The following EHD3 variants were observed in gnomAD, a reference collection of about 807,000 sequenced individuals.
EHD3 encodes the protein EH domain-containing protein 3.
A neutral mutation model predicts 43.0 loss-of-function variants in EHD3; 17 were observed. That is an observed-to-expected ratio of 0.40 (90% CI 0.27 to 0.59). The LOEUF (loss-of-function observed/expected upper bound fraction) is 0.59, where lower values mean the gene tolerates loss of function less well. Ranked by LOEUF, EHD3 falls within the 20% of genes least tolerant of loss-of-function variation. EHD3 has a pLI of 0.49. For synonymous variants in EHD3, 313 were observed against 289.5 expected (o/e 1.08, Z -0.82); for missense variants, 594 against 705.6 (o/e 0.84, Z 1.79).
At chr2:31,244,753 T>C (rs867644879) in intron 2 of EHD3, among the ~76,000 whole-genome samples, 2 of 152,206 alleles carry the variant, frequency 1.3e-5, no homozygotes, top group African/African-American at 2.4e-5. Flanking sequence ...ATGCTCCATA[T>C]AGTTCCCAGT....
chr2:31,260,651 G>T lies in EHD3; in HGVS notation c.644G>T (p.Arg215Leu), dbSNP rs1048803980. ...KALKNHEDKM[R>L]VVLNKADQIE... ...CTCAAGAACCACGAGGACAAGATGC[G>T]AGTGGTGCTGAACAAAGCTGACCAG... Residue 215 changes from arginine to leucine, a missense_variant, in exon 4 of 6, where the codon CGA becomes CTA. By Grantham distance (102) the Arg-to-Leu change is moderately radical. Transcript: ENST00000322054. The surrounding 1 kb of genome is among the most constrained non-coding windows in gnomAD (Gnocchi z 4.6). 3 of 1,614,202 alleles carry T rather than the reference G, an allele frequency of 1.9e-6. No homozygotes were observed. Among genetic ancestry groups the T allele is most frequent in the Non-Finnish European group, 2.5e-6 (3 of 1,180,036 alleles).
chr2:31,268,233 T>C lies in EHD3; in HGVS notation c.*1529T>C, dbSNP rs1683991982. On this transcript the variant is annotated 3_prime_UTR_variant, in exon 6 of 6. Transcript: ENST00000322054. The stretch of plus-strand genomic sequence containing the variant: ...CATGGCCACTGAACCAATCACTTTG[T>C]ATGCTATGCTCCTACTGTGATGGAA... 6.5e-6 allele frequency: 1 copy of C among 152,692 alleles called. No individual in the cohort carries two copies. Among genetic ancestry groups the C allele is most frequent in the South Asian group, 2.1e-4 (1 of 4,836 alleles). 9.5% of individuals were successfully genotyped at this position (152,692 alleles called of 1,614,324 possible).
intron 3 of EHD3, among the ~76,000 whole-genome samples, chr2:31,258,700 G>C (rs1367749319): frequency 6.6e-6 from 1 of 152,198 alleles, no homozygotes; most frequent in African/African-American, 2.4e-5. Flanking sequence ...GAGGATTAAA[G>C]GAATGAATGA....
chr2:31,254,791 C>G (rs1683719604), intron 3 of EHD3, among the ~76,000 whole-genome samples: 2 of 152,188 alleles, frequency 1.3e-5, no homozygotes, highest in South Asian at 2.1e-4. Context: ...TTGCCACCAC[C>G]TGGCTGTGTG....
chr2:31,256,776 AGCTTCTCTGGT>A (rs1377913372), intron 3 of EHD3, among the ~76,000 whole-genome samples: 1 of 152,188 alleles, frequency 6.6e-6, no homozygotes, highest in Non-Finnish European at 1.5e-5. Flanking sequence ...CCTTCTCTGC[AGCTTCTCTGGT>A]GTCTTTGTTT....
At chr2:31,259,928 C>T (rs758618402) in intron 3 of EHD3, among the ~76,000 whole-genome samples, 6 of 152,076 alleles carry the variant, frequency 3.9e-5, no homozygotes, top group Non-Finnish European at 8.8e-5. Flanking sequence ...TGGCTGGGGG[C>T]GGTGGCTCAC....
At chr2:31,239,364 C>T (rs570321351) in intron 1 of EHD3, among the ~76,000 whole-genome samples, 2 of 152,212 alleles carry the variant, frequency 1.3e-5, no homozygotes, top group Non-Finnish European at 2.9e-5. Flanking sequence ...TCTAAAGGGG[C>T]CTGGGTGAAA....
chr2:31,248,688 CTTGTGA>C (rs1464019320), intron 2 of EHD3, among the ~76,000 whole-genome samples: 1 of 152,160 alleles, frequency 6.6e-6, no homozygotes, highest in East Asian at 1.9e-4. Flanking sequence ...GCCAGCCAGG[CTTGTGA>C]TCCTCTGGCC....
In EHD3 at chr2:31,234,653, G is replaced by T. The variant is rs1264046797; in HGVS notation, c.32G>T (p.Arg11Leu). ...AGCTGGCTGGGTACGGACGACCGCC[G>T]GAGGAAGGACCCCGAGGTTTTCCAG... The part of the protein sequence containing the change: MFSWLGTDDR[R>L]RKDPEVFQTV... The change falls in exon 1 of 6, where the codon CGG (arginine) becomes CTG (leucine). Residue 11 changes from arginine (R) to leucine (L), a missense_variant. Physicochemically the swap from Arg to Leu is moderately radical, Grantham distance 102. Around this residue, in one of 3 missense-constraint regions of EHD3, gnomAD observed 243 missense variants for 296.7 expected, o/e 0.82. Coordinates refer to ENST00000322054, the MANE Select transcript of EHD3 (RefSeq NM_014600.3). The T allele has an allele frequency of 1.2e-6, 2 of 1,614,106 alleles. No homozygotes were observed. The highest frequency in any genetic ancestry group is 1.7e-6 in the Non-Finnish European group (2 of 1,180,018).
chr2:31,250,150 A>T lies in EHD3; in HGVS notation c.502+682A>T, dbSNP rs13012258. On this transcript the variant is annotated intron_variant, in intron 3 of 5. Transcript: ENST00000322054. Reference sequence around the variant, plus strand: ...GTGGGAATAGTATTATCCATCTTACAGAGTTGTTTGAAGATTAAAAGAAAT... The same window carrying T: ...GTGGGAATAGTATTATCCATCTTACTGAGTTGTTTGAAGATTAAAAGAAAT... Among the ~76,000 whole-genome samples the T allele has an allele frequency of 5.3e-5, 8 of 149,870 alleles. No homozygotes were observed. The South Asian group carries it at 1.3e-3, about 24-fold the overall frequency.
chr2:31,250,775 C>G (rs1029263869), intron 3 of EHD3, among the ~76,000 whole-genome samples: 1 of 152,178 alleles, frequency 6.6e-6, no homozygotes, highest in Non-Finnish European at 1.5e-5. Context: ...GTTGCCAGGG[C>G]TGGAGCCACA....
intron 5 of EHD3, among the ~76,000 whole-genome samples, chr2:31,263,962 G>A (rs1255313946): frequency 1.3e-5 from 2 of 152,228 alleles, no homozygotes; most frequent in Non-Finnish European, 2.9e-5. Flanking sequence ...GGGTTGTCAT[G>A]TGAAGGCAAG....
chr2:31,249,892 G>A (rs900594614), intron 3 of EHD3, among the ~76,000 whole-genome samples: 6 of 152,188 alleles, frequency 3.9e-5, no homozygotes, highest in Admixed American at 3.9e-4. Context: ...GTCATAAGAG[G>A]AGGGAACCAG....
At position 31,234,307 on chromosome 2, in the gene EHD3, C is replaced by G. The variant is rs531987879; in HGVS notation, c.-315C>G. 7.0e-6 allele frequency: 2 copies of G among 285,662 alleles called. No individual in the cohort carries two copies. The highest frequency in any genetic ancestry group is 4.9e-5 in the African/African-American group (2 of 40,486). 17.7% of individuals were successfully genotyped at this position (285,662 alleles called of 1,614,324 possible). On this transcript the variant is annotated 5_prime_UTR_variant, in exon 1 of 6. Transcript: ENST00000322054. ...CCGATCGGGGACCCCGGCTTGGGAC[C>G]CCGGCATCTGGCAGTTTCCTTGCAG...
Position 31,260,451 on chromosome 2 carries a change from T to G in EHD3, c.503-59T>G. Reference sequence around the variant, plus strand: ...TATTTCTACCACACCCGACTGCTTCTCCAAACCCCTACCCTATACCCCAAA... The same window carrying G: ...TATTTCTACCACACCCGACTGCTTCGCCAAACCCCTACCCTATACCCCAAA... On this transcript the variant is annotated intron_variant, in intron 3 of 5. Coordinates refer to ENST00000322054, the MANE Select transcript of EHD3 (RefSeq NM_014600.3). This position sits in a 1 kb window ranked among gnomAD's most constrained non-coding sequence, Gnocchi z 4.6. 2 of 1,505,292 alleles carry G rather than the reference T, an allele frequency of 1.3e-6. No homozygotes were observed. The highest frequency in any genetic ancestry group is 4.6e-5 in the East Asian group (2 of 43,798). 93.2% of individuals were successfully genotyped at this position (1,505,292 alleles called of 1,614,324 possible). A position where few individuals can be genotyped will look rare whatever the true frequency, so the allele number is the denominator to read the frequency against.
At chr2:31,257,596 C>T (rs1201099378) in intron 3 of EHD3, among the ~76,000 whole-genome samples, 2 of 152,170 alleles carry the variant, frequency 1.3e-5, no homozygotes, top group African/African-American at 4.8e-5. Context: ...ATACTCCTCG[C>T]GCTGCCTGCC....
intron 3 of EHD3, among the ~76,000 whole-genome samples, chr2:31,253,254 A>ACT (rs1020636627): frequency 7.5e-5 from 11 of 145,744 alleles, no homozygotes; most frequent in Non-Finnish European, 1.5e-4. Context: ...TCCCACACAC[A>ACT]CACACACACA....
rs543721632 is a variant in EHD3, at chr2:31,234,176, G to C, written c.-446G>C. On this transcript the variant is annotated 5_prime_UTR_variant, in exon 1 of 6. Transcript: ENST00000322054. ...TGCTGCTGCGGATGCAGAGCTGTCC[G>C]CGGGCTGGGCAGCGTCGCCGTCTCC... 6.6e-6 allele frequency among the ~76,000 whole-genome samples: 1 copy of C among 152,304 alleles called. No individual in the cohort carries two copies. Among genetic ancestry groups the C allele is most frequent in the South Asian group, 2.1e-4 (1 of 4,832 alleles).
chr2:31,255,910 C>G (rs1683743593), intron 3 of EHD3, among the ~76,000 whole-genome samples: 1 of 152,186 alleles, frequency 6.6e-6, no homozygotes. Context: ...AAGACAGCAG[C>G]CTGCAGCCTC....
Sources: gnomAD v4.1 joint callset for allele counts (sites outside exome capture counted in the v4.1 genomes callset) on GRCh38, gnomAD v4.1.1 for gene constraint, gnomAD v4.1.1 regional missense constraint, Gnocchi (gnomAD v3.1) non-coding constraint, MANE v1.5 for transcripts, NCBI Gene and HGNC (gene_info 2026-07-23, HGNC 2026-07-21) for gene names.